FMNL3: variants seen among roughly 807,000 people sequenced by gnomAD.
The protein encoded by FMNL3 is formin-like protein 3.
A neutral mutation model predicts 119.6 loss-of-function variants in FMNL3; 57 were observed. That is an observed-to-expected ratio of 0.48 (90% CI 0.39 to 0.59). The LOEUF is 0.59. FMNL3 is among the 20% of genes least tolerant of loss of function. FMNL3 has a pLI of 0.00. For synonymous variants in FMNL3, 491 were observed against 507.3 expected (o/e 0.97, Z 0.43); for missense variants, 1,053 against 1,323.5 (o/e 0.80, Z 3.17).
In FMNL3 at chr12:49,707,188, GGGCCCCCTCAGGGGCCTC is replaced by G. The variant is rs764858151; in HGVS notation, c.-26_-9del. The G allele has an allele frequency of 1.8e-5, 27 of 1,538,576 alleles. No individual in the cohort carries two copies. The highest frequency in any genetic ancestry group is 1.7e-4 in the Middle Eastern group (1 of 5,722). ...GCTCTCCAGGTTGCCCATCGCGGCGGGGCCCCCTCAGGGGCCTCGGCCCCCCACCTCCACGCTCCGGAG... is the reference window on the plus strand; with the variant it reads ...GCTCTCCAGGTTGCCCATCGCGGCGGGGCCCCCCACCTCCACGCTCCGGAG... On this transcript the variant is annotated 5_prime_UTR_variant, in exon 1 of 26. Transcript: ENST00000335154.
At chr12:49,699,230 A>T (rs1490585311) in intron 1 of FMNL3, among the ~76,000 whole-genome samples, 1 of 152,142 alleles carries the variant, frequency 6.6e-6, no homozygotes, top group Non-Finnish European at 1.5e-5. Flanking sequence ...CTGCTGTCCC[A>T]TGGGCTTACT....
At position 49,640,028 on chromosome 12, in the gene FMNL3, A is replaced by G. The variant is rs567204895; in HGVS notation, c.*5787T>C. 6.6e-6 allele frequency: 1 copy of G among 152,122 alleles called. No individual in the cohort carries two copies. Among genetic ancestry groups the G allele is most frequent in the Non-Finnish European group, 1.5e-5 (1 of 68,008 alleles). 9.4% of individuals were successfully genotyped at this position (152,122 alleles called of 1,614,324 possible). A position where few individuals can be genotyped will look rare whatever the true frequency, so the allele number is the denominator to read the frequency against. On this transcript the variant is annotated 3_prime_UTR_variant, in exon 26 of 26. Coordinates refer to ENST00000335154, the MANE Select transcript of FMNL3 (RefSeq NM_175736.5). ...TCACTGAGTCCTGTCTCTCCACACA[A>G]CCTGAGAAAGCAACTTTTTTAGACA...
At position 49,649,366 on chromosome 12, in the gene FMNL3, G is replaced by C. The variant is rs1943319019; in HGVS notation, c.2305-27C>G. ...TGTCCAAAGAATGTGTGGGAGGCAG[G>C]TCAGGCTCAGGTCCTGAAGGCTCCT... On this transcript the variant is annotated intron_variant, in intron 19 of 25. Transcript: ENST00000335154. This position sits in a 1 kb window ranked among gnomAD's most constrained non-coding sequence, Gnocchi z 5.6. The C allele has an allele frequency of 1.9e-6, 3 of 1,613,886 alleles. No homozygotes were observed. The highest frequency in any genetic ancestry group is 1.3e-5 in the African/African-American group (1 of 74,916).
intron 1 of FMNL3, among the ~76,000 whole-genome samples, chr12:49,703,557 G>T (rs1944966541): frequency 6.6e-6 from 1 of 151,966 alleles, no homozygotes; most frequent in South Asian, 2.1e-4. Context: ...TACAGTACAT[G>T]GGGTAGAAGC....
intron 1 of FMNL3, among the ~76,000 whole-genome samples, chr12:49,691,240 C>G (rs1367139158): frequency 6.6e-6 from 1 of 152,102 alleles, no homozygotes; most frequent in Non-Finnish European, 1.5e-5. Flanking sequence ...AAGTGTTTTG[C>G]ATGGTGCCTG....
Position 49,645,757 on chromosome 12 carries a change from C to T in FMNL3, c.*58G>A, listed in dbSNP as rs1943154135. 1.0e-5 allele frequency: 15 copies of T among 1,471,190 alleles called. No individual in the cohort carries two copies. Among genetic ancestry groups the T allele is most frequent in the Non-Finnish European group, 1.4e-5 (15 of 1,080,138 alleles). 91.1% of individuals were successfully genotyped at this position (1,471,190 alleles called of 1,614,324 possible). On this transcript the variant is annotated 3_prime_UTR_variant, in exon 26 of 26. Coordinates refer to ENST00000335154, the MANE Select transcript of FMNL3 (RefSeq NM_175736.5). ...CCTGAGCCCTTGGCCAATTCCAGGT[C>T]CACTGGTTGGACTTGTAGGACTCTG...
In FMNL3 at chr12:49,651,219, G is replaced by A; in HGVS notation, c.1746C>T (p.Asn582=). The part of the protein sequence containing the change: ...PVFNWTALKP[N]QISGTVFSEL... The stretch of plus-strand genomic sequence containing the variant: ...CGCTGAAGACAGTGCCACTGATCTG[G>A]TTGGGTTTCAGTGCTGTCCAGTTGA... Residue 582 remains asparagine (N), a synonymous_variant, in exon 16 of 26, where the codon AAC becomes AAT. Coordinates refer to ENST00000335154, the MANE Select transcript of FMNL3 (RefSeq NM_175736.5). 6.2e-7 allele frequency: 1 copy of A among 1,613,926 alleles called. No individual in the cohort carries two copies. Among genetic ancestry groups the A allele is most frequent in the Non-Finnish European group, 8.5e-7 (1 of 1,179,816 alleles).
rs758453578 is a variant in FMNL3 at position 49,637,488 on chromosome 12, C to T, written c.*8327G>A. On this transcript the variant is annotated 3_prime_UTR_variant, in exon 26 of 26. Transcript: ENST00000335154. ...TGCTCAGACCTTCCTGGACGAGCTG[C>T]ATGAGACAGGGCAGCTGCACTCTAT... The T allele has an allele frequency of 6.2e-7, 1 of 1,613,582 alleles. No individual in the cohort carries two copies. The highest frequency in any genetic ancestry group is 8.5e-7 in the Non-Finnish European group (1 of 1,179,956).
In FMNL3 at chr12:49,647,495, G is replaced by C; in HGVS notation, c.2779-127C>G. 9.2e-7 allele frequency: 1 copy of C among 1,083,678 alleles called. No homozygotes were observed. The highest frequency in any genetic ancestry group is 1.4e-6 in the Non-Finnish European group (1 of 723,710). 67.1% of individuals were successfully genotyped at this position (1,083,678 alleles called of 1,614,324 possible). ...CTCCAGGTGGCCACCCTCTGGAGGG[G>C]CACTTCCTGCCCCAAACAATGACAG... On this transcript the variant is annotated intron_variant, in intron 23 of 25. Coordinates refer to ENST00000335154, the MANE Select transcript of FMNL3 (RefSeq NM_175736.5). The surrounding 1 kb of genome is among the most constrained non-coding windows in gnomAD (Gnocchi z 4.9).
chr12:49,644,101 C>T lies in FMNL3; in HGVS notation c.*1714G>A, dbSNP rs1409459119. On this transcript the variant is annotated 3_prime_UTR_variant, in exon 26 of 26. Transcript: ENST00000335154. ...TGAACTGTGCCTTTGCTCCAACAGA[C>T]AGGCTGGGACACGTCAGAAAGTGAG... The T allele has an allele frequency of 6.2e-7, 1 of 1,614,192 alleles. No individual in the cohort carries two copies. Among genetic ancestry groups the T allele is most frequent in the Non-Finnish European group, 8.5e-7 (1 of 1,180,044 alleles).
intron 1 of FMNL3, among the ~76,000 whole-genome samples, chr12:49,685,418 T>A (rs570241064): frequency 2.6e-5 from 4 of 152,008 alleles, no homozygotes; most frequent in Non-Finnish European, 4.4e-5. Context: ...GCCAAGATGG[T>A]GCCACCGGAC....
At chr12:49,671,366 C>T (rs1376395490) in intron 1 of FMNL3, among the ~76,000 whole-genome samples, 5 of 152,228 alleles carry the variant, frequency 3.3e-5, no homozygotes, top group Non-Finnish European at 7.3e-5. Flanking sequence ...ATAGCCATAT[C>T]CTCCTGTCTT....
At chr12:49,667,787 C>T (rs1943931678) in intron 2 of FMNL3, among the ~76,000 whole-genome samples, 1 of 152,158 alleles carries the variant, frequency 6.6e-6, no homozygotes, top group Non-Finnish European at 1.5e-5. Flanking sequence ...GCTGGGTAAA[C>T]ACACTACCCA....
At chr12:49,667,387 G>A (rs780233643) in intron 2 of FMNL3, among the ~76,000 whole-genome samples, 6 of 152,218 alleles carry the variant, frequency 3.9e-5, no homozygotes, top group Non-Finnish European at 7.3e-5. Flanking sequence ...CCAAGCAGGT[G>A]CTAACCAACT....
chr12:49,691,679 C>T lies in FMNL3; in HGVS notation c.126+15376G>A, dbSNP rs547140907. ...CCCCACTGGTGCCCTTTCTCTCTCTCGCACTTTTCTTTTGGCTTAGTGCGA... is the reference window on the plus strand; with the variant it reads ...CCCCACTGGTGCCCTTTCTCTCTCTTGCACTTTTCTTTTGGCTTAGTGCGA... On this transcript the variant is annotated intron_variant, in intron 1 of 25. Transcript: ENST00000335154. Among the ~76,000 whole-genome samples, 22 of 152,284 alleles carry T rather than the reference C, an allele frequency of 1.4e-4. No homozygotes were observed. In the East Asian group the frequency reaches 3.9e-3, roughly 27 times the overall value.
chr12:49,678,048 G>A (rs777867446), intron 1 of FMNL3, among the ~76,000 whole-genome samples: 1 of 152,068 alleles, frequency 6.6e-6, no homozygotes, highest in African/African-American at 2.4e-5. Flanking sequence ...ATTTTTAGTA[G>A]AGAAGGGGTT....
At chr12:49,667,326 G>A (rs919460676) in intron 2 of FMNL3, among the ~76,000 whole-genome samples, 6 of 152,204 alleles carry the variant, frequency 3.9e-5, no homozygotes, top group African/African-American at 1.4e-4. Context: ...AGGAAAGACT[G>A]AGAGATCAAT....
At chr12:49,688,797 C>G (rs923298932) in intron 1 of FMNL3, among the ~76,000 whole-genome samples, 2 of 152,082 alleles carry the variant, frequency 1.3e-5, no homozygotes, top group Admixed American at 6.6e-5. Flanking sequence ...GCCATTCCCC[C>G]CAAAATACAA....
Position 49,637,484 on chromosome 12 carries a change from G to C in FMNL3, c.*8331C>G. The C allele has an allele frequency of 6.2e-7, 1 of 1,613,412 alleles. No individual in the cohort carries two copies. The highest frequency in any genetic ancestry group is 8.5e-7 in the Non-Finnish European group (1 of 1,179,950). On this transcript the variant is annotated 3_prime_UTR_variant, in exon 26 of 26. Coordinates refer to ENST00000335154, the MANE Select transcript of FMNL3 (RefSeq NM_175736.5). ...TCCCTGCTCAGACCTTCCTGGACGA[G>C]CTGCATGAGACAGGGCAGCTGCACT...
Sources: gnomAD v4.1 joint callset for allele counts (sites outside exome capture counted in the v4.1 genomes callset) on GRCh38, gnomAD v4.1.1 for gene constraint, Gnocchi (gnomAD v3.1) non-coding constraint, MANE v1.5 for transcripts, NCBI Gene and HGNC (gene_info 2026-07-23, HGNC 2026-07-21) for gene names.